The following HPGDS variants were observed in gnomAD, a reference collection of about 807,000 sequenced individuals.
HPGDS encodes GST class-sigma.
HPGDS carries 26 observed loss-of-function variants against 23.1 expected under a neutral mutation model. The observed-to-expected ratio is 1.13, with a 90% CI of 0.83 to 1.56. The LOEUF is 1.56. Among genes scored for constraint, HPGDS ranks in the 40% most tolerant of loss-of-function variants. HPGDS has a pLI of 0.00. For missense variants in HPGDS, 268 were observed against 236.4 expected, an observed-to-expected ratio of 1.13 and a Z score of -0.88; for synonymous variants, 95 against 77.9, an observed-to-expected ratio of 1.22 and a Z score of -1.16.
chr4:94,301,864 G>T (rs1001822895), intron 5 of HPGDS, among the ~76,000 whole-genome samples: 5 of 152,034 alleles, frequency 3.3e-5, no homozygotes, highest in Non-Finnish European at 7.4e-5. Context: ...TATGTATTCT[G>T]TGTGTTCTCT....
rs114240163 is a variant in HPGDS, at chr4:94,300,132, G to A, written c.436-488C>T. ...TTGAAGATTTCACACTAGTCCTACA[G>A]AATGTTCTATCTTCAGGACCTTTGT... On this transcript the variant is annotated intron_variant, in intron 5 of 5. Transcript: ENST00000295256. Among the ~76,000 whole-genome samples, 443 of 152,202 alleles carry A rather than the reference G, an allele frequency of 2.9e-3. 2 individuals are homozygous for A. The highest frequency in any genetic ancestry group is 0.01 in the African/African-American group (421 of 41,516).
intron 2 of HPGDS, among the ~76,000 whole-genome samples, chr4:94,318,900 A>G (rs953313144): frequency 2.6e-5 from 4 of 151,978 alleles, no homozygotes; most frequent in Non-Finnish European, 5.9e-5. Context: ...TTTAGTAGAG[A>G]TGGGGTTTTG....
At chr4:94,312,516 A>T (rs1756296543) in intron 3 of HPGDS, among the ~76,000 whole-genome samples, 1 of 152,070 alleles carries the variant, frequency 6.6e-6, no homozygotes, top group Admixed American at 6.5e-5. Flanking sequence ...GTTTGTTGTG[A>T]TTTCTGTTCT....
At chr4:94,339,063 TAAATGGTTCTGAGACTGAAACTAGACTA>T (rs1392072210) in intron 1 of HPGDS, among the ~76,000 whole-genome samples, 2 of 152,200 alleles carry the variant, frequency 1.3e-5, no homozygotes, top group Non-Finnish European at 2.9e-5. Flanking sequence ...GAGTGAGGAC[TAAATGGTTCTGAGACTGAAACTAGACTA>T]AAATGGTTCT....
At chr4:94,323,692 A>T (rs978511826) in intron 2 of HPGDS, among the ~76,000 whole-genome samples, 1 of 152,024 alleles carries the variant, frequency 6.6e-6, no homozygotes, top group Non-Finnish European at 1.5e-5. Flanking sequence ...AATACAGCAC[A>T]CTGATGGGTC....
chr4:94,314,550 C>A (rs962985459), intron 3 of HPGDS, among the ~76,000 whole-genome samples: 1 of 152,186 alleles, frequency 6.6e-6, no homozygotes, highest in African/African-American at 2.4e-5. Context: ...TCTGCCCCTA[C>A]TCGGGGGTGC....
At chr4:94,324,177 CT>C (rs983362953) in intron 2 of HPGDS, among the ~76,000 whole-genome samples, 1 of 152,180 alleles carries the variant, frequency 6.6e-6, no homozygotes, top group Non-Finnish European at 1.5e-5. Flanking sequence ...ACCTTTCTCT[CT>C]GGTTGCCCTT....
chr4:94,340,409 A>T (rs1253206869), intron 1 of HPGDS, among the ~76,000 whole-genome samples: 1 of 112,718 alleles, frequency 8.9e-6, no homozygotes. Flanking sequence ...CGTGATCTCC[A>T]CTCACTGCAA....
In HPGDS at chr4:94,318,085, T is replaced by C. The variant is rs1756431925; in HGVS notation, c.134-120A>G. The stretch of plus-strand genomic sequence containing the variant: ...TTTATGGAATCATGAAATTCTTAAA[T>C]ATTTTTAAAGGAACACTTGACAACT... On this transcript the variant is annotated intron_variant, in intron 2 of 5. Coordinates refer to ENST00000295256, the MANE Select transcript of HPGDS (RefSeq NM_014485.3). 6 of 662,630 alleles carry C rather than the reference T, an allele frequency of 9.1e-6. 1 individual carries two copies. The highest frequency in any genetic ancestry group is 5.2e-5 in the South Asian group (3 of 57,294). 41.0% of individuals were successfully genotyped at this position (662,630 alleles called of 1,614,324 possible).
At chr4:94,316,597 A>G (rs1282702957) in intron 3 of HPGDS, among the ~76,000 whole-genome samples, 1 of 152,240 alleles carries the variant, frequency 6.6e-6, no homozygotes, top group Non-Finnish European at 1.5e-5. Context: ...CTTTCTAATC[A>G]GATCCAATCT....
At chr4:94,313,169 A>G (rs1225909435) in intron 3 of HPGDS, among the ~76,000 whole-genome samples, 6 of 152,190 alleles carry the variant, frequency 3.9e-5, no homozygotes, top group Non-Finnish European at 7.4e-5. Context: ...TGTGAATTTG[A>G]TCCTGTCATT....
At chr4:94,337,512 CA>C (rs1443238965) in intron 1 of HPGDS, among the ~76,000 whole-genome samples, 1 of 151,260 alleles carries the variant, frequency 6.6e-6, no homozygotes, top group Non-Finnish European at 1.5e-5. Flanking sequence ...CCGTCTCTAC[CA>C]AAAATACAAA....
In HPGDS at chr4:94,315,318, A is replaced by T. The variant is rs568248492; in HGVS notation, c.226+2555T>A. Among the ~76,000 whole-genome samples, 5 of 152,264 alleles carry T rather than the reference A, an allele frequency of 3.3e-5. No individual in the cohort carries two copies. In the South Asian group the frequency reaches 1.0e-3, roughly 32 times the overall value. On this transcript the variant is annotated intron_variant, in intron 3 of 5. Transcript: ENST00000295256. ...CAATTTATTTAACTAGCCTCAACTGATTAGGTTTATTTCCAGTCTTTTGTT... is the reference window on the plus strand; with the variant it reads ...CAATTTATTTAACTAGCCTCAACTGTTTAGGTTTATTTCCAGTCTTTTGTT...
intron 2 of HPGDS, among the ~76,000 whole-genome samples, chr4:94,325,295 G>A (rs891181338): frequency 6.6e-6 from 1 of 152,218 alleles, no homozygotes; most frequent in East Asian, 1.9e-4. Flanking sequence ...CATGCTGGGA[G>A]AACCACTGCT....
chr4:94,320,378 A>G (rs1358909067), intron 2 of HPGDS, among the ~76,000 whole-genome samples: 3 of 152,154 alleles, frequency 2.0e-5, no homozygotes, highest in East Asian at 3.9e-4. Flanking sequence ...AGTCCCACCA[A>G]CAGTGTAAAA....
At chr4:94,310,846 C>T (rs4693382) in intron 3 of HPGDS, among the ~76,000 whole-genome samples, 54,123 of 151,876 alleles carry the variant, frequency 0.36, 10,580 homozygotes, top group East Asian at 0.7. Context: ...TAAAGAGGTC[C>T]TTCACATCCC....
At chr4:94,314,789 C>A (rs186374315) in intron 3 of HPGDS, among the ~76,000 whole-genome samples, 3,769 of 152,258 alleles carry the variant, frequency 0.025, 105 homozygotes, top group African/African-American at 0.075. Context: ...GGCTCCACCC[C>A]TTTCGAGCTT....
Position 94,317,866 on chromosome 4 carries a change from A to T in HPGDS, c.226+7T>A, listed in dbSNP as rs376904750. 4.0e-5 allele frequency: 62 copies of T among 1,544,102 alleles called. 1 individual carries two copies. In the African/African-American group the frequency reaches 7.8e-4, roughly 19 times the overall value. ...ATCAAAAATCTTAAGCACAATAAAC[A>T]TGTTACCTGTGTTTTTGGTCAAATA... is the stretch of plus-strand genomic sequence containing the variant. On this transcript the variant is annotated splice_region_variant and intron_variant, in intron 3 of 5. Coordinates refer to ENST00000295256, the MANE Select transcript of HPGDS (RefSeq NM_014485.3).
intron 1 of HPGDS, among the ~76,000 whole-genome samples, chr4:94,340,845 CTTTCTTTTTT>C (rs1177575995): frequency 1.0e-5 from 1 of 97,116 alleles, no homozygotes; most frequent in African/African-American, 4.3e-5. Flanking sequence ...TTTTTTTTTT[CTTTCTTTTTT>C]TTTTTTTGAG....
Sources: gnomAD v4.1 joint callset for allele counts (sites outside exome capture counted in the v4.1 genomes callset) on GRCh38, gnomAD v4.1.1 for gene constraint, MANE v1.5 for transcripts, NCBI Gene and HGNC (gene_info 2026-07-23, HGNC 2026-07-21) for gene names.